Variants in SGK1 observed in about 807,000 individuals in gnomAD.
The protein encoded by SGK1 is serum/glucocorticoid regulated kinase 1, also known as serine/threonine-protein kinase Sgk1.
In SGK1, 26 loss-of-function variants were observed where a neutral mutation model predicts 64.2. That is an observed-to-expected ratio of 0.40 (90% CI 0.30 to 0.56). SGK1 has a LOEUF of 0.56. Among genes scored for constraint, SGK1 ranks in the 20% least tolerant of loss-of-function variants. The probability of loss-of-function intolerance (pLI) is 0.38; values close to 1 mark genes in which losing one functional copy is unlikely to be tolerated. For synonymous variants in SGK1, 265 were observed against 239.7 expected, an observed-to-expected ratio of 1.11 and a Z score of -0.98; for missense variants, 519 against 645.6, an observed-to-expected ratio of 0.80 and a Z score of 2.12.
intron 3 of SGK1, among the ~76,000 whole-genome samples, chr6:134,184,281 G>A (rs1019658238): frequency 8.6e-5 from 13 of 151,850 alleles, no homozygotes; most frequent in African/African-American, 2.2e-4. Flanking sequence ...GGCAGATCAC[G>A]AGGTCAGGAG....
chr6:134,247,623 TCGTGTTTGGATATGAATGTAA>T (rs1441737099), intron 2 of SGK1, among the ~76,000 whole-genome samples: 2 of 152,174 alleles, frequency 1.3e-5, no homozygotes, highest in African/African-American at 4.8e-5. Context: ...ATACGGTTAT[TCGTGTTTGGATATGAATGTAA>T]CTCGACCGAT....
chr6:134,221,676 G>T, intron 2 of SGK1, among the ~76,000 whole-genome samples: 1 of 151,352 alleles, frequency 6.6e-6, no homozygotes. Context: ...TTCTTGAGAG[G>T]GAGTCTCAGT....
intron 1 of SGK1, among the ~76,000 whole-genome samples, chr6:134,282,939 A>C (rs1473943545): frequency 6.6e-6 from 1 of 151,836 alleles, no homozygotes; most frequent in Non-Finnish European, 1.5e-5. Context: ...AAAGATAGAG[A>C]TAAAAACTCA....
intron 1 of SGK1, among the ~76,000 whole-genome samples, chr6:134,275,461 G>A (rs1777005259): frequency 6.6e-6 from 1 of 152,138 alleles, no homozygotes; most frequent in Non-Finnish European, 1.5e-5. Context: ...TAGCAGCAGT[G>A]GCTTTCAAAC....
chr6:134,220,083 A>AAAAG (rs1776064909), intron 2 of SGK1, among the ~76,000 whole-genome samples: 1 of 131,656 alleles, frequency 7.6e-6, no homozygotes, highest in African/African-American at 2.7e-5. Flanking sequence ...AAAAAAAAAA[A>AAAAG]AAAAGAAAAG....
chr6:134,297,164 T>A lies in SGK1; in HGVS notation c.69+20228A>T, dbSNP rs377091113. ...CCCCATAGGCTGAGCACAGACCACC[T>A]GCATAGCCGCTGGTGGTCTTCGTAT... On this transcript the variant is annotated intron_variant, in intron 1 of 13. Coordinates refer to ENST00000367858, the MANE Select transcript of SGK1 (RefSeq NM_001143676.3). The A allele has an allele frequency of 4.0e-4, 259 of 651,674 alleles. 1 individual carries two copies. In the African/African-American group the frequency reaches 4.3e-3, roughly 11 times the overall value. 40.4% of individuals were successfully genotyped at this position (651,674 alleles called of 1,614,324 possible).
At chr6:134,216,949 G>A (rs559671313) in intron 2 of SGK1, among the ~76,000 whole-genome samples, 50 of 152,274 alleles carry the variant, frequency 3.3e-4, no homozygotes, top group African/African-American at 1.2e-3. Flanking sequence ...TTCCATGGGA[G>A]TGCAAGACTC....
At chr6:134,254,277 G>T (rs577088371) in intron 2 of SGK1, among the ~76,000 whole-genome samples, 43 of 152,296 alleles carry the variant, frequency 2.8e-4, no homozygotes, top group Middle Eastern at 3.4e-3. Context: ...AAGGAGCTTA[G>T]AGAATACATG....
intron 3 of SGK1, among the ~76,000 whole-genome samples, chr6:134,182,240 A>G (rs1039330161): frequency 1.3e-5 from 2 of 152,210 alleles, no homozygotes. Context: ...CCTGCCTCAT[A>G]TAAGTTGTGA....
At chr6:134,188,908 CTTTTT>C (rs34316759) in intron 3 of SGK1, among the ~76,000 whole-genome samples, 4 of 110,216 alleles carry the variant, frequency 3.6e-5, no homozygotes, top group Non-Finnish European at 3.7e-5. Flanking sequence ...ATTTCTTTTT[CTTTTT>C]TTTTTTTTTT....
chr6:134,173,549 T>C lies in SGK1; in HGVS notation c.531A>G (p.Gln177=), dbSNP rs753058925. 1.9e-6 allele frequency: 3 copies of C among 1,609,442 alleles called. No homozygotes were observed. The South Asian group carries it at 3.4e-5, about 18-fold the overall frequency. Residue 177 remains glutamine, a synonymous_variant, in exon 6 of 14, where the codon CAA becomes CAG. Transcript: ENST00000367858. ...NPSPPPSPSQ[Q]INLGPSSNPH... ...GATTGGACGACGGGCCAAGGTTGAT[T>C]TGCTGAGAAGGACTTGGCTAGAAAA... is the stretch of plus-strand genomic sequence containing the variant.
Position 134,171,109 on chromosome 6 carries a change from G to C in SGK1, c.1237C>G (p.Pro413Ala), listed in dbSNP as rs1383077781. 6.2e-7 allele frequency: 1 copy of C among 1,614,096 alleles called. No individual in the cohort carries two copies. Among genetic ancestry groups the C allele is most frequent in the African/African-American group, 1.3e-5 (1 of 75,014 alleles). Residue 413 changes from proline to alanine, a missense_variant, in exon 12 of 14, where the codon CCA becomes GCA. Pro to Ala is a conservative substitution (Grantham distance 27). This residue lies in a region of SGK1 where 278 missense variants were observed against 408.7 expected (regional missense o/e 0.68). Coordinates refer to ENST00000367858, the MANE Select transcript of SGK1 (RefSeq NM_001143676.3). ...TGTCTTGCGGAATTTGTAATATTTGGTTTCAGCTGGAGAGGCTTGTTCAGA... is the reference window on the plus strand; with the variant it reads ...TGTCTTGCGGAATTTGTAATATTTGCTTTCAGCTGGAGAGGCTTGTTCAGA... ...NILNKPLQLK[P>A]NITNSARHLL...
At chr6:134,253,778 T>C (rs947596408) in intron 2 of SGK1, among the ~76,000 whole-genome samples, 3 of 152,138 alleles carry the variant, frequency 2.0e-5, no homozygotes, top group African/African-American at 7.2e-5. Context: ...AACAACTCAG[T>C]GTTAATTCTT....
Position 134,172,000 on chromosome 6 carries a change from C to A in SGK1, c.1071+193G>T. 9.5e-6 allele frequency: 7 copies of A among 738,384 alleles called. 1 individual carries two copies. In the South Asian group the frequency reaches 1.3e-4, roughly 13 times the overall value. 45.7% of individuals were successfully genotyped at this position (738,384 alleles called of 1,614,324 possible). ...TGCAGATCTTACTTACAAACAGCTA[C>A]TTTTCAGTAAAGGAACAGAAGGACT... On this transcript the variant is annotated intron_variant, in intron 10 of 13. Transcript: ENST00000367858.
At chr6:134,258,973 G>A (rs1776723902) in intron 2 of SGK1, among the ~76,000 whole-genome samples, 1 of 152,072 alleles carries the variant, frequency 6.6e-6, no homozygotes, top group Non-Finnish European at 1.5e-5. Flanking sequence ...GGGCAGTAGA[G>A]CAAAACCTTG....
At chr6:134,301,596 C>CTCTTT (rs1777459048) in intron 1 of SGK1, among the ~76,000 whole-genome samples, 1 of 146,134 alleles carries the variant, frequency 6.8e-6, no homozygotes, top group Non-Finnish European at 1.5e-5. Context: ...CCCTTCTCTT[C>CTCTTT]TCTTTTCTTT....
At chr6:134,293,886 C>T (rs1389101263) in intron 1 of SGK1, among the ~76,000 whole-genome samples, 1 of 152,178 alleles carries the variant, frequency 6.6e-6, no homozygotes. Flanking sequence ...AACAATTTGA[C>T]ATCCCATTAT....
chr6:134,297,262 T>A (rs1359778704), intron 1 of SGK1: 2 of 1,234,600 alleles, frequency 1.6e-6, no homozygotes, highest in Non-Finnish European at 2.4e-6. Context: ...TAGGTTGCGA[T>A]CTCAATGTCC....
intron 1 of SGK1, among the ~76,000 whole-genome samples, chr6:134,316,365 G>A (rs1484858741): frequency 6.6e-6 from 1 of 152,160 alleles, no homozygotes; most frequent in Non-Finnish European, 1.5e-5. Flanking sequence ...AGGAATGAAT[G>A]GAGAGAACCA....
Sources: allele counts gnomAD v4.1 joint callset (sites outside exome capture counted in the v4.1 genomes callset), GRCh38; gene constraint gnomAD v4.1.1; regional missense constraint gnomAD v4.1.1; transcripts MANE v1.5; gene names NCBI Gene and HGNC (gene_info 2026-07-23, HGNC 2026-07-21).